The following CSMD1 variants were observed in gnomAD, a reference collection of about 807,000 sequenced individuals.
CSMD1 encodes the protein CUB and Sushi multiple domains 1.
Under a neutral mutation model 417.5 loss-of-function variants are expected in CSMD1, and 213 were observed. That is an observed-to-expected ratio of 0.51 (90% confidence interval 0.46 to 0.57). The LOEUF is 0.57. Ranked by LOEUF, CSMD1 falls within the 20% of genes least tolerant of loss-of-function variation. The pLI is 0.00. For synonymous variants in CSMD1, 2,862 were observed against 1,736.8 expected (o/e 1.65, Z -16.11); for missense variants, 6,923 against 4,529.7 (o/e 1.53, Z -15.17).
intron 5 of CSMD1, among the ~76,000 whole-genome samples, chr8:3,926,302 C>T (rs1342208359): frequency 6.6e-6 from 1 of 152,164 alleles, no homozygotes; most frequent in African/African-American, 2.4e-5. Flanking sequence ...CCATGTATTT[C>T]TCCTTATAAC....
Position 3,284,336 on chromosome 8 carries a change from T to C in CSMD1, c.3961A>G (p.Ile1321Val), listed in dbSNP as rs1469697189. The change falls in exon 26 of 70, where the codon ATT becomes GTT. Residue 1321 changes from isoleucine (I) to valine (V), a missense_variant. Transcript: ENST00000635120. ...DPGKTISLHF[I>V]VFDTEMAHDI... ...TGAGCCATCTCCGTGTCGAAAACAA[T>C]GAAATGGAGGCTGCAAGAGAGAACA... The C allele has an allele frequency of 3.1e-6, 5 of 1,613,186 alleles. No individual in the cohort carries two copies. The highest frequency in any genetic ancestry group is 3.4e-6 in the Non-Finnish European group (4 of 1,179,584).
intron 3 of CSMD1, among the ~76,000 whole-genome samples, chr8:4,405,107 A>G (rs1359156324): frequency 6.6e-6 from 1 of 152,228 alleles, no homozygotes; most frequent in African/African-American, 2.4e-5. Context: ...AGAGATTTTC[A>G]GACTATTGCC....
At chr8:4,204,195 T>C (rs766490513) in intron 3 of CSMD1, among the ~76,000 whole-genome samples, 1 of 152,062 alleles carries the variant, frequency 6.6e-6, no homozygotes, top group Non-Finnish European at 1.5e-5. Context: ...GTGCCTGAGA[T>C]GGAATTTCAA....
intron 45 of CSMD1, chr8:3,107,052 G>C (rs897988653): frequency 1.3e-5 from 2 of 156,894 alleles, no homozygotes; most frequent in African/African-American, 4.8e-5. Flanking sequence ...AATTAACTAA[G>C]CCAGGGTGAG....
Position 3,558,106 on chromosome 8 carries a change from G to C in CSMD1, c.1344+16839C>G, listed in dbSNP as rs1221240592. On this transcript the variant is annotated intron_variant, in intron 10 of 69. Transcript: ENST00000635120. ...ACCCCGTGTCGACTCCTCCAATGAT[G>C]AATGGTGCCTCAATGGTACCCCGTG... Among the ~76,000 whole-genome samples, 11 of 150,440 alleles carry C rather than the reference G, an allele frequency of 7.3e-5. No homozygotes were observed. In the East Asian group the frequency reaches 2.2e-3, roughly 29 times the overall value.
intron 54 of CSMD1, among the ~76,000 whole-genome samples, chr8:2,993,700 T>C (rs1806614114): frequency 6.6e-6 from 1 of 152,124 alleles, no homozygotes; most frequent in Admixed American, 6.5e-5. Context: ...CTTGGTTTTG[T>C]TTCTAATGTT....
chr8:4,115,270 A>T (rs1802073458), intron 3 of CSMD1, among the ~76,000 whole-genome samples: 1 of 152,244 alleles, frequency 6.6e-6, no homozygotes, highest in Non-Finnish European at 1.5e-5. Flanking sequence ...GACTCACTGA[A>T]CGCTTAGATA....
intron 3 of CSMD1, among the ~76,000 whole-genome samples, chr8:4,407,132 G>C (rs994054153): frequency 1.3e-5 from 2 of 152,166 alleles, no homozygotes; most frequent in African/African-American, 4.8e-5. Flanking sequence ...ACAGACACCA[G>C]ATGAGCTGCA....
intron 2 of CSMD1, among the ~76,000 whole-genome samples, chr8:4,440,680 C>G (rs574597155): frequency 6.6e-6 from 1 of 152,252 alleles, no homozygotes; most frequent in South Asian, 2.1e-4. Flanking sequence ...AATTTTATCA[C>G]ATCAATGTAT....
intron 1 of CSMD1, among the ~76,000 whole-genome samples, chr8:4,795,354 C>A (rs770692374): frequency 4.2e-5 from 6 of 142,902 alleles, no homozygotes; most frequent in Admixed American, 2.2e-4. Context: ...TCACTGCAAG[C>A]TCCGCCTCCC....
At chr8:4,728,199 T>A (rs1018288014) in intron 1 of CSMD1, among the ~76,000 whole-genome samples, 3 of 148,068 alleles carry the variant, frequency 2.0e-5, no homozygotes, top group African/African-American at 7.4e-5. Context: ...ATTCGTATAT[T>A]TATATATATA....
At chr8:3,877,231 T>A (rs796140879) in intron 5 of CSMD1, among the ~76,000 whole-genome samples, 2 of 152,214 alleles carry the variant, frequency 1.3e-5, no homozygotes, top group African/African-American at 4.8e-5. Context: ...ACTGCTTGCT[T>A]TGAGACCTGC....
intron 2 of CSMD1, among the ~76,000 whole-genome samples, chr8:4,431,816 A>T (rs1797887090): frequency 1.3e-5 from 2 of 152,190 alleles, no homozygotes; most frequent in Non-Finnish European, 2.9e-5. Context: ...GGTAACATAC[A>T]CATCCAAGAT....
chr8:4,424,188 A>C (rs1405113711), intron 2 of CSMD1, among the ~76,000 whole-genome samples: 1 of 152,036 alleles, frequency 6.6e-6, no homozygotes, highest in African/African-American at 2.4e-5. Flanking sequence ...ATAAGTTAAT[A>C]AATTGGATTT....
chr8:3,072,030 T>C (rs1002635687), intron 49 of CSMD1, among the ~76,000 whole-genome samples: 4 of 152,242 alleles, frequency 2.6e-5, no homozygotes, highest in African/African-American at 9.6e-5. Flanking sequence ...TAAATGATTT[T>C]CTGGATAATG....
intron 10 of CSMD1, among the ~76,000 whole-genome samples, chr8:3,508,778 C>T (rs1796941836): frequency 6.6e-6 from 1 of 152,064 alleles, no homozygotes; most frequent in African/African-American, 2.4e-5. Context: ...GACAGAACGC[C>T]TCCGTAATGC....
chr8:3,652,597 C>T (rs897838979), intron 7 of CSMD1, among the ~76,000 whole-genome samples: 22 of 152,174 alleles, frequency 1.4e-4, no homozygotes, highest in African/African-American at 4.8e-4. Flanking sequence ...TACACGGTGA[C>T]AGGCAAAAGA....
chr8:4,854,449 C>A (rs1801672105), intron 1 of CSMD1, among the ~76,000 whole-genome samples: 1 of 152,146 alleles, frequency 6.6e-6, no homozygotes, highest in Admixed American at 6.5e-5. Flanking sequence ...TCTACAGCTC[C>A]CACTGTGAGC....
At chr8:4,912,718 C>T (rs752309237) in intron 1 of CSMD1, among the ~76,000 whole-genome samples, 2 of 152,128 alleles carry the variant, frequency 1.3e-5, no homozygotes, top group Non-Finnish European at 2.9e-5. Context: ...ACAGAATAAC[C>T]ACCAGTGACT....
Sources: gnomAD v4.1 joint callset for allele counts (sites outside exome capture counted in the v4.1 genomes callset) on GRCh38, gnomAD v4.1.1 for gene constraint, MANE v1.5 for transcripts, NCBI Gene and HGNC (gene_info 2026-07-23, HGNC 2026-07-21) for gene names.